C12orf56: variants seen among roughly 807,000 people sequenced by gnomAD.
C12orf56 encodes chromosome 12 open reading frame 56, also known as uncharacterized protein C12orf56.
A neutral mutation model predicts 69.9 loss-of-function variants in C12orf56; 71 were observed. The observed-to-expected ratio is 1.02, with a 90% CI of 0.84 to 1.24. The LOEUF is 1.24. C12orf56 is among the 50% of genes most tolerant of loss of function. The pLI is 0.00. For missense variants in C12orf56, 732 were observed against 738.5 expected (o/e 0.99, Z 0.10); for synonymous variants, 276 against 274.1 (o/e 1.01, Z -0.07).
At chr12:64,346,875 C>A (rs775533669) in intron 2 of C12orf56, among the ~76,000 whole-genome samples, 6 of 152,182 alleles carry the variant, frequency 3.9e-5, no homozygotes, top group Non-Finnish European at 8.8e-5. Flanking sequence ...AGGACCACTG[C>A]ACTCCAGTCT....
At chr12:64,287,355 T>G (rs2038222164) in intron 6 of C12orf56, among the ~76,000 whole-genome samples, 2 of 151,036 alleles carry the variant, frequency 1.3e-5, no homozygotes, top group Non-Finnish European at 3.0e-5. Context: ...TTTTGTTGTT[T>G]TTTTTATTAT....
rs2038720586 is a variant in C12orf56 at position 64,318,587 on chromosome 12, G to A, written c.882C>T (p.Asn294=). The A allele has an allele frequency of 6.5e-7, 1 of 1,532,582 alleles. No individual in the cohort carries two copies. 94.9% of individuals were successfully genotyped at this position (1,532,582 alleles called of 1,614,324 possible). The change falls in exon 4 of 13, where the codon AAC becomes AAT. Residue 294 remains asparagine, a synonymous_variant. Transcript: ENST00000543942. ...GGAGGACACTTACTATAATATAATT[G>A]TTCCATGAACTTTTTAAGTGCAGAA... ...SIFLHLKSSW[N]NYIIKATLLQ... is the part of the protein sequence containing the mutation.
At chr12:64,282,091 C>G (rs2038136545) in intron 8 of C12orf56, among the ~76,000 whole-genome samples, 1 of 152,316 alleles carries the variant, frequency 6.6e-6, no homozygotes, top group African/African-American at 2.4e-5. Context: ...CGCAGTGGTT[C>G]ATGCCAGTAA....
intron 1 of C12orf56, among the ~76,000 whole-genome samples, chr12:64,363,086 ACCT>A: frequency 6.6e-6 from 1 of 152,016 alleles, no homozygotes; most frequent in Non-Finnish European, 1.5e-5. Flanking sequence ...GAATGCCTTA[ACCT>A]CCTGGGAATG....
intron 1 of C12orf56, among the ~76,000 whole-genome samples, chr12:64,372,979 G>A (rs924993375): frequency 6.6e-6 from 1 of 151,958 alleles, no homozygotes; most frequent in Non-Finnish European, 1.5e-5. Flanking sequence ...CTTTACCTGC[G>A]TCATGCCCTC....
chr12:64,315,323 T>A (rs1308289876), intron 4 of C12orf56, among the ~76,000 whole-genome samples: 3 of 128,726 alleles, frequency 2.3e-5, no homozygotes, highest in African/African-American at 5.9e-5. Context: ...TTTTTTTTTT[T>A]AAAGCAGCCT....
Position 64,364,518 on chromosome 12 carries a change from G to C in C12orf56, c.253-11462C>G, listed in dbSNP as rs545515456. Among the ~76,000 whole-genome samples, 21 of 152,008 alleles carry C rather than the reference G, an allele frequency of 1.4e-4. No individual in the cohort carries two copies. The South Asian group carries it at 3.9e-3, about 29-fold the overall frequency. On this transcript the variant is annotated intron_variant, in intron 1 of 12. Transcript: ENST00000543942. The stretch of plus-strand genomic sequence containing the variant: ...TCATGCAGGCCTTGCATGCCTATGG[G>C]ACTAATGGAACACCAAGGCTAAGGT...
In C12orf56 at chr12:64,352,947, C is replaced by T. The variant is rs373141838; in HGVS notation, c.362G>A (p.Ser121Asn). 1.2e-6 allele frequency: 2 copies of T among 1,612,970 alleles called. No homozygotes were observed. The highest frequency in any genetic ancestry group is 2.7e-5 in the African/African-American group (2 of 74,780). ...VLKKECKKSN[S>N]VRKFLFPFHH... ...AAATGGAAATAGGAATTTCCTGACA[C>T]TGTTTGACTTTTTACACTCTTTTTT... Residue 121 changes from serine to asparagine, a missense_variant, in exon 2 of 13, where the codon AGT becomes AAT. Ser to Asn is a conservative substitution (Grantham distance 46). Transcript: ENST00000543942.
chr12:64,323,880 C>T (rs2038803741), intron 3 of C12orf56, among the ~76,000 whole-genome samples: 1 of 152,056 alleles, frequency 6.6e-6, no homozygotes, highest in African/African-American at 2.4e-5. Flanking sequence ...TCAAAGTATC[C>T]CAGAAATGTG....
chr12:64,320,887 A>T (rs1273006884), intron 3 of C12orf56, among the ~76,000 whole-genome samples: 1 of 152,210 alleles, frequency 6.6e-6, no homozygotes, highest in African/African-American at 2.4e-5. Flanking sequence ...TCAATAATGA[A>T]GTAGTGTCCT....
intron 2 of C12orf56, among the ~76,000 whole-genome samples, chr12:64,349,029 G>T (rs999062834): frequency 3.6e-4 from 55 of 152,264 alleles, no homozygotes; most frequent in Admixed American, 4.6e-4. Context: ...GTCTCACTCT[G>T]CTGCACAGCC....
chr12:64,307,200 T>C (rs1211794490), intron 5 of C12orf56, among the ~76,000 whole-genome samples: 3 of 152,068 alleles, frequency 2.0e-5, no homozygotes, highest in Admixed American at 2.0e-4. Context: ...CCTATAGAAA[T>C]TTTAAGCTAT....
At chr12:64,330,074 C>T (rs888900510) in intron 3 of C12orf56, among the ~76,000 whole-genome samples, 8 of 151,996 alleles carry the variant, frequency 5.3e-5, no homozygotes, top group African/African-American at 1.7e-4. Context: ...ATGGTATTTC[C>T]AGTTCTAGAT....
intron 1 of C12orf56, among the ~76,000 whole-genome samples, chr12:64,373,657 G>C (rs1046250934): frequency 1.3e-5 from 2 of 152,122 alleles, no homozygotes; most frequent in African/African-American, 4.8e-5. Flanking sequence ...TCCACTAAAG[G>C]AAGGAAAGCA....
Position 64,316,905 on chromosome 12 carries a change from G to A in C12orf56, c.894+1670C>T, listed in dbSNP as rs576488899. Reference sequence around the variant, plus strand: ...TTATAGCTTAGCAGGTAATGAGTCCGCCAATCTGAATGCTCCAACCATGCA... The same window carrying A: ...TTATAGCTTAGCAGGTAATGAGTCCACCAATCTGAATGCTCCAACCATGCA... On this transcript the variant is annotated intron_variant, in intron 4 of 12. Coordinates refer to ENST00000543942, the MANE Select transcript of C12orf56 (RefSeq NM_001170633.2). Among the ~76,000 whole-genome samples the A allele has an allele frequency of 8.7e-4, 132 of 152,272 alleles. 3 individuals carry two copies. The highest frequency in any genetic ancestry group is 7.5e-4 in the Non-Finnish European group (51 of 68,026).
rs575788987 is a variant in C12orf56 at position 64,386,489 on chromosome 12, C to T, written c.252+3825G>A. 7.9e-4 allele frequency among the ~76,000 whole-genome samples: 120 copies of T among 151,864 alleles called. 2 individuals carry two copies. The highest frequency in any genetic ancestry group is 2.9e-3 in the South Asian group (14 of 4,816). On this transcript the variant is annotated intron_variant, in intron 1 of 12. Transcript: ENST00000543942. ...TTGGCTCACCGCAACCTCCGCCTCC[C>T]GGGTTCAAGCTATTCTCCTGCCTCA...
intron 1 of C12orf56, among the ~76,000 whole-genome samples, chr12:64,378,774 G>A (rs1389534022): frequency 6.6e-6 from 1 of 152,048 alleles, no homozygotes; most frequent in African/African-American, 2.4e-5. Flanking sequence ...AACCTGGCTG[G>A]GCATGGTGGC....
intron 12 of C12orf56, 21 bp from the exon 13 acceptor site, chr12:64,267,309 C>G (rs1359255656): frequency 1.3e-6 from 2 of 1,555,522 alleles, no homozygotes; most frequent in South Asian, 2.3e-5. Context: ...TAAAAAGAAA[C>G]AAAATAGAGA....
Position 64,266,836 on chromosome 12 carries a change from A to T in C12orf56, c.*347T>A, listed in dbSNP as rs1468548578. 1 of 299,562 alleles carries T rather than the reference A, an allele frequency of 3.3e-6. No individual in the cohort carries two copies. Among genetic ancestry groups the T allele is most frequent in the Non-Finnish European group, 6.2e-6 (1 of 162,280 alleles). The allele number at this position is 299,562 out of a possible 1,614,324, so 18.6% of individuals were successfully genotyped here. A position where few individuals can be genotyped will look rare whatever the true frequency, so the allele number is the denominator to read the frequency against. On this transcript the variant is annotated 3_prime_UTR_variant, in exon 13 of 13. Transcript: ENST00000543942. ...TGCTTTTGCTGCTAAGGTGGAAGAG[A>T]AGTGAGTACAGCTTTCCTAAATCCC...
Sources: allele counts gnomAD v4.1 joint callset (sites outside exome capture counted in the v4.1 genomes callset), GRCh38; gene constraint gnomAD v4.1.1; transcripts MANE v1.5; gene names NCBI Gene and HGNC (gene_info 2026-07-23, HGNC 2026-07-21).